Variants in MDGA2 observed in about 807,000 individuals in gnomAD.
MDGA2 encodes MAM domain containing glycosylphosphatidylinositol anchor 2.
MDGA2 carries 40 observed loss-of-function variants against 117.8 expected under a neutral mutation model. The observed-to-expected ratio is 0.34, with a 90% CI of 0.26 to 0.44. The LOEUF (loss-of-function observed/expected upper bound fraction) is 0.44, where lower values mean the gene tolerates loss of function less well. Ranked by LOEUF, MDGA2 falls within the 20% of genes least tolerant of loss-of-function variation. The pLI is 1.00. For missense variants in MDGA2, 1,123 were observed against 1,250.6 expected, an observed-to-expected ratio of 0.90 and a Z score of 1.54; for synonymous variants, 452 against 439.0, an observed-to-expected ratio of 1.03 and a Z score of -0.37.
chr14:47,457,017 G>A (rs1335294185), intron 1 of MDGA2, among the ~76,000 whole-genome samples: 1 of 152,114 alleles, frequency 6.6e-6, no homozygotes, highest in African/African-American at 2.4e-5. Flanking sequence ...ACAACATCTG[G>A]CTGAACTTGG....
At chr14:47,255,226 G>T (rs1255242779) in intron 2 of MDGA2, among the ~76,000 whole-genome samples, 1 of 152,176 alleles carries the variant, frequency 6.6e-6, no homozygotes, top group African/African-American at 2.4e-5. Flanking sequence ...AAGGGAAAAA[G>T]GATATACCAA....
At chr14:47,584,337 ACTAT>A (rs1021459811) in intron 1 of MDGA2, among the ~76,000 whole-genome samples, 14 of 151,836 alleles carry the variant, frequency 9.2e-5, no homozygotes, top group Non-Finnish European at 1.5e-4. Flanking sequence ...CTTGTGAATA[ACTAT>A]CTGTTTGCTA....
intron 7 of MDGA2, among the ~76,000 whole-genome samples, chr14:47,042,327 T>TTGTG (rs1224005314): frequency 1.4e-4 from 20 of 144,742 alleles, no homozygotes; most frequent in African/African-American, 5.2e-4. Flanking sequence ...TTTTTTTTTT[T>TTGTG]TGTGTGTGTG....
In MDGA2 at chr14:46,855,832, T is replaced by C. The variant is rs540554033; in HGVS notation, c.2753-678A>G. Among the ~76,000 whole-genome samples, 270 of 152,292 alleles carry C rather than the reference T, an allele frequency of 1.8e-3. 1 individual carries two copies. The highest frequency in any genetic ancestry group is 3.3e-3 in the Admixed American group (51 of 15,294). ...CTTGCTCAGAGTTGGACTCTAATTC[T>C]GTCGTCTTATATTATCATTTAGCAT... On this transcript the variant is annotated intron_variant, in intron 14 of 16. Coordinates refer to ENST00000399232, the MANE Select transcript of MDGA2 (RefSeq NM_001113498.3). The surrounding 1 kb of genome is among the most constrained non-coding windows in gnomAD (Gnocchi z 4.1).
chr14:47,032,301 A>T (rs182712743), intron 8 of MDGA2, among the ~76,000 whole-genome samples: 222 of 152,304 alleles, frequency 1.5e-3, no homozygotes, highest in Non-Finnish European at 2.5e-3. Flanking sequence ...TTAAAAAAAA[A>T]TCAGGATGAA....
intron 4 of MDGA2, among the ~76,000 whole-genome samples, chr14:47,134,960 T>C (rs1882381805): frequency 6.6e-6 from 1 of 152,052 alleles, no homozygotes; most frequent in Admixed American, 6.6e-5. Context: ...AAAGTCTCTT[T>C]ACTCACATAG....
At chr14:47,291,449 T>C (rs913153370) in intron 2 of MDGA2, among the ~76,000 whole-genome samples, 1 of 152,074 alleles carries the variant, frequency 6.6e-6, no homozygotes, top group Non-Finnish European at 1.5e-5. Context: ...GTACAGATGC[T>C]CCTTAACTTA....
At chr14:47,030,054 T>A (rs1263742332) in intron 8 of MDGA2, among the ~76,000 whole-genome samples, 3 of 151,892 alleles carry the variant, frequency 2.0e-5, no homozygotes, top group African/African-American at 7.3e-5. Flanking sequence ...TCTCAATCTC[T>A]TGACCTCGTG....
At chr14:47,393,698 G>T (rs1478298734) in intron 1 of MDGA2, among the ~76,000 whole-genome samples, 2 of 152,048 alleles carry the variant, frequency 1.3e-5, no homozygotes, top group Non-Finnish European at 2.9e-5. Flanking sequence ...AAAGGCCAAT[G>T]AAATCTGAAT....
At position 47,627,725 on chromosome 14, in the gene MDGA2, C is replaced by T. The variant is rs140799019; in HGVS notation, c.280+46792G>A. ...TCTGCCCCAGCCAGCAGTGGCAACCCGCTGGGGTCCCCTTCCACATTGTGG... is the reference window on the plus strand; with the variant it reads ...TCTGCCCCAGCCAGCAGTGGCAACCTGCTGGGGTCCCCTTCCACATTGTGG... On this transcript the variant is annotated intron_variant, in intron 1 of 16. Coordinates refer to ENST00000399232, the MANE Select transcript of MDGA2 (RefSeq NM_001113498.3). Among the ~76,000 whole-genome samples the T allele has an allele frequency of 3.2e-3, 491 of 152,282 alleles. 1 individual carries two copies. Among genetic ancestry groups the T allele is most frequent in the African/African-American group, 0.011 (456 of 41,568 alleles).
At chr14:47,456,028 T>C (rs1893344181) in intron 1 of MDGA2, among the ~76,000 whole-genome samples, 1 of 150,770 alleles carries the variant, frequency 6.6e-6, no homozygotes, top group Non-Finnish European at 1.5e-5. Flanking sequence ...TAAAATAAAA[T>C]AAAAATTAAA....
chr14:46,948,483 C>T (rs952341700), intron 9 of MDGA2, among the ~76,000 whole-genome samples: 4 of 151,898 alleles, frequency 2.6e-5, no homozygotes, highest in Admixed American at 1.3e-4. Flanking sequence ...CCCTCCAGTT[C>T]TCTCAGTTTG....
At chr14:47,268,685 C>T (rs947383751) in intron 2 of MDGA2, among the ~76,000 whole-genome samples, 10 of 152,190 alleles carry the variant, frequency 6.6e-5, no homozygotes, top group African/African-American at 2.4e-4. Flanking sequence ...AATTATGTAA[C>T]CTTTAGAAAC....
At chr14:47,391,057 T>C (rs1193732059) in intron 1 of MDGA2, among the ~76,000 whole-genome samples, 1 of 152,216 alleles carries the variant, frequency 6.6e-6, no homozygotes, top group African/African-American at 2.4e-5. Flanking sequence ...CTTTTGATGC[T>C]ATGCTTTTAA....
At chr14:46,917,898 C>T (rs1595043281) in intron 10 of MDGA2, among the ~76,000 whole-genome samples, 1 of 152,104 alleles carries the variant, frequency 6.6e-6, no homozygotes, top group Admixed American at 6.5e-5. Flanking sequence ...AAAGAGAAGG[C>T]TTAAATGACG....
intron 1 of MDGA2, among the ~76,000 whole-genome samples, chr14:47,603,396 T>C (rs1896682994): frequency 6.6e-6 from 1 of 152,176 alleles, no homozygotes. Flanking sequence ...TCAAATTGTA[T>C]ACCATAGACA....
At chr14:47,082,165 GTACA>G (rs1349559252) in intron 6 of MDGA2, among the ~76,000 whole-genome samples, 1 of 151,940 alleles carries the variant, frequency 6.6e-6, no homozygotes, top group African/African-American at 2.4e-5. Context: ...TCAGTTCAAA[GTACA>G]CTGAATTGCA....
At chr14:47,019,604 A>G (rs562940380) in intron 8 of MDGA2, among the ~76,000 whole-genome samples, 2 of 152,098 alleles carry the variant, frequency 1.3e-5, no homozygotes, top group South Asian at 4.2e-4. Context: ...AGCACTTTGG[A>G]AGGCCGAGGC....
intron 4 of MDGA2, among the ~76,000 whole-genome samples, chr14:47,143,851 G>A (rs1882825960): frequency 6.6e-6 from 1 of 152,004 alleles, no homozygotes; most frequent in African/African-American, 2.4e-5. Flanking sequence ...TTAGGACATA[G>A]TAAGTTAAAA....
Sources: allele counts gnomAD v4.1 joint callset (sites outside exome capture counted in the v4.1 genomes callset), GRCh38; gene constraint gnomAD v4.1.1; non-coding constraint Gnocchi (gnomAD v3.1); transcripts MANE v1.5; gene names NCBI Gene and HGNC (gene_info 2026-07-23, HGNC 2026-07-21).